Variants in METTL15 observed in about 807,000 individuals in gnomAD.
METTL15 encodes the protein methyltransferase 15, mitochondrial 12S rRNA N4-cytidine, also known as 12S rRNA N(4)-cytidine methyltransferase METTL15.
Under a neutral mutation model 38.3 loss-of-function variants are expected in METTL15, and 34 were observed. That is an observed-to-expected ratio of 0.89 (90% confidence interval 0.68 to 1.18). METTL15 has a LOEUF of 1.18. Among genes scored for constraint, METTL15 ranks in the 50% most tolerant of loss-of-function variants. The probability of loss-of-function intolerance (pLI) is 0.00; values close to 1 mark genes in which losing one functional copy is unlikely to be tolerated. For synonymous variants in METTL15, 162 were observed against 170.9 expected, an observed-to-expected ratio of 0.95 and a Z score of 0.41; for missense variants, 438 against 498.4, an observed-to-expected ratio of 0.88 and a Z score of 1.15.
intron 6 of METTL15, among the ~76,000 whole-genome samples, chr11:28,511,359 G>C (rs898295787): frequency 6.6e-6 from 1 of 152,174 alleles, no homozygotes; most frequent in Admixed American, 6.5e-5. Flanking sequence ...TATAATGTAA[G>C]CTAGATAAAA....
intron 5 of METTL15, among the ~76,000 whole-genome samples, chr11:28,379,528 C>G (rs912498431): frequency 2.6e-5 from 4 of 152,012 alleles, no homozygotes; most frequent in Non-Finnish European, 5.9e-5. Context: ...CAAGATTCTT[C>G]TTATTATTAA....
chr11:28,147,719 GCATAATCTA>G (rs1469878199), intron 3 of METTL15, among the ~76,000 whole-genome samples: 2 of 151,722 alleles, frequency 1.3e-5, no homozygotes, highest in African/African-American at 4.8e-5. Context: ...TAAAAACACA[GCATAATCTA>G]TCCTTCTCTT....
In METTL15 at chr11:28,220,219, G is replaced by T. The variant is rs545797801; in HGVS notation, c.407+9021G>T. The stretch of plus-strand genomic sequence containing the variant: ...CGAAGTCTCTTTGTAGGTCTCTGAG[G>T]ACTTGCTTTATGAATCTGGGTGCTC... On this transcript the variant is annotated intron_variant, in intron 4 of 6. Coordinates refer to ENST00000407364, the MANE Select transcript of METTL15 (RefSeq NM_001113528.2). Among the ~76,000 whole-genome samples, 22 of 152,234 alleles carry T rather than the reference G, an allele frequency of 1.4e-4. No homozygotes were observed. In the South Asian group the frequency reaches 4.4e-3, roughly 30 times the overall value.
At chr11:28,198,973 T>C (rs1437868970) in intron 3 of METTL15, among the ~76,000 whole-genome samples, 2 of 117,460 alleles carry the variant, frequency 1.7e-5, no homozygotes, top group Admixed American at 2.2e-4. Context: ...TTATGAACTC[T>C]TTTTAGTGAT....
intron 6 of METTL15, among the ~76,000 whole-genome samples, chr11:28,504,197 C>CA (rs376321913): frequency 0.49 from 34,756 of 71,020 alleles, 7,538 homozygotes; most frequent in Non-Finnish European, 0.55. Context: ...AACTCTGTCT[C>CA]AAAAAAAAAA....
At chr11:28,208,181 A>G (rs529579663) in intron 3 of METTL15, among the ~76,000 whole-genome samples, 3 of 151,860 alleles carry the variant, frequency 2.0e-5, no homozygotes, top group African/African-American at 7.3e-5. Flanking sequence ...TTGCTTTTCT[A>G]GTTCTTTTAA....
chr11:28,343,656 T>C (rs1206481053), intron 3 of METTL15, among the ~76,000 whole-genome samples: 1 of 152,234 alleles, frequency 6.6e-6, no homozygotes, highest in East Asian at 1.9e-4. Flanking sequence ...TCTAGCCTTT[T>C]ATTTAGCCTT....
intron 6 of METTL15, among the ~76,000 whole-genome samples, chr11:28,503,571 T>C (rs1241002232): frequency 1.3e-5 from 2 of 151,862 alleles, no homozygotes; most frequent in African/African-American, 4.8e-5. Context: ...GGCAGGTGGA[T>C]CATGAAGTCA....
At chr11:28,467,729 G>A (rs1460164678) in intron 6 of METTL15, among the ~76,000 whole-genome samples, 1 of 152,094 alleles carries the variant, frequency 6.6e-6, no homozygotes, top group Non-Finnish European at 1.5e-5. Context: ...TAAATTGGAA[G>A]AATTTTTCCA....
At chr11:28,515,965 G>C (rs1055585280) in intron 6 of METTL15, among the ~76,000 whole-genome samples, 11 of 152,198 alleles carry the variant, frequency 7.2e-5, no homozygotes, top group Admixed American at 5.9e-4. Flanking sequence ...ACAGCTATCT[G>C]TTTCTGTCAC....
At chr11:28,214,141 C>G (rs986446566) in intron 4 of METTL15, among the ~76,000 whole-genome samples, 2 of 151,956 alleles carry the variant, frequency 1.3e-5, no homozygotes, top group East Asian at 3.9e-4. Context: ...TTCCTGGGCT[C>G]AAGTGACCCT....
intron 3 of METTL15, among the ~76,000 whole-genome samples, chr11:28,155,538 C>T (rs10767698): frequency 1 from 151,675 of 152,244 alleles, 75,560 homozygotes; most frequent in Non-Finnish European, 1. Context: ...AGTGCTCTGT[C>T]TGAATTAATG....
chr11:28,163,128 T>C (rs988574617), intron 3 of METTL15, among the ~76,000 whole-genome samples: 15 of 146,408 alleles, frequency 1.0e-4, no homozygotes, highest in Admixed American at 2.9e-4. Flanking sequence ...AAGGCAGATA[T>C]TGCTGAAAAG....
At chr11:28,250,230 TATA>T (rs762300000) in intron 4 of METTL15, among the ~76,000 whole-genome samples, 3 of 152,082 alleles carry the variant, frequency 2.0e-5, no homozygotes, top group Non-Finnish European at 1.5e-5. Context: ...TTCCTTTGGG[TATA>T]TACCCAATAA....
intron 3 of METTL15, among the ~76,000 whole-genome samples, chr11:28,201,607 G>GA: frequency 7.5e-6 from 1 of 133,830 alleles, no homozygotes; most frequent in African/African-American, 2.8e-5. Flanking sequence ...TTAGTCTTGG[G>GA]AGGGTGTGTG....
intron 3 of METTL15, among the ~76,000 whole-genome samples, chr11:28,179,949 GTATGGTATGT>G (rs1435854064): frequency 1.3e-5 from 2 of 151,768 alleles, no homozygotes; most frequent in Non-Finnish European, 3.0e-5. Context: ...CCTTTCTGGT[GTATGGTATGT>G]CATTGGTATT....
chr11:28,281,395 C>A (rs947404774), intron 4 of METTL15, among the ~76,000 whole-genome samples: 1 of 152,164 alleles, frequency 6.6e-6, no homozygotes, highest in Non-Finnish European at 1.5e-5. Flanking sequence ...TCCTCAGTTT[C>A]TTCAGCTCTC....
At chr11:28,486,051 T>C (rs1217529037) in intron 6 of METTL15, among the ~76,000 whole-genome samples, 1 of 152,208 alleles carries the variant, frequency 6.6e-6, no homozygotes, top group Non-Finnish European at 1.5e-5. Context: ...GGGTTAGGGC[T>C]TCAACACATG....
At chr11:28,135,289 C>T (rs1849478783) in intron 3 of METTL15, among the ~76,000 whole-genome samples, 1 of 152,144 alleles carries the variant, frequency 6.6e-6, no homozygotes, top group East Asian at 1.9e-4. Flanking sequence ...TTATTTTTCA[C>T]ATAGGCTTCT....
Sources: allele counts gnomAD v4.1 joint callset (sites outside exome capture counted in the v4.1 genomes callset), GRCh38; gene constraint gnomAD v4.1.1; transcripts MANE v1.5; gene names NCBI Gene and HGNC (gene_info 2026-07-23, HGNC 2026-07-21).